GCN1: variants seen among roughly 807,000 people sequenced by gnomAD.
GCN1 encodes the protein GCN1 activator of EIF2AK4.
Under a neutral mutation model 288.4 loss-of-function variants are expected in GCN1, and 90 were observed. The ratio of observed to expected loss-of-function variants is 0.31; its 90% CI spans 0.26 to 0.37. The LOEUF (loss-of-function observed/expected upper bound fraction) is 0.37. GCN1 is among the 10% of genes least tolerant of loss of function. The probability of loss-of-function intolerance (pLI) is 1.00; values close to 1 mark genes in which losing one functional copy is unlikely to be tolerated. For synonymous variants in GCN1, 1,386 were observed against 1,420.2 expected (o/e 0.98, Z 0.54); for missense variants, 2,586 against 3,419.9 (o/e 0.76, Z 6.08).
Position 120,147,152 on chromosome 12 carries a change from A to G in GCN1, c.4847T>C (p.Ile1616Thr). ...HFIDAPSLALIMPIVQRAFQD... is the reference protein window; with the variant it reads ...HFIDAPSLALTMPIVQRAFQD... ...GAAGGCTCTCTGGACAATGGGCATG[A>G]TGAGGGCCAGGGATGGGGCATCAAT... Residue 1616 changes from isoleucine (I) to threonine (T), a missense_variant, in exon 38 of 58, where the codon ATC becomes ACC. By Grantham distance (89) the Ile-to-Thr change is moderately conservative (BLOSUM62 -1). Coordinates refer to ENST00000300648, the MANE Select transcript of GCN1 (RefSeq NM_006836.2). The G allele has an allele frequency of 6.2e-7, 1 of 1,613,238 alleles. No homozygotes were observed. The highest frequency in any genetic ancestry group is 8.5e-7 in the Non-Finnish European group (1 of 1,179,400).
chr12:120,161,748 C>T, intron 21 of GCN1, 132 bp downstream of exon 21: 1 of 996,382 alleles, frequency 1.0e-6, no homozygotes, highest in Non-Finnish European at 1.5e-6. Flanking sequence ...GTGCCGGGGA[C>T]ACAACAGGCG....
chr12:120,137,249 T>C lies in GCN1; in HGVS notation c.6734A>G (p.Glu2245Gly). 6.2e-7 allele frequency: 1 copy of C among 1,614,208 alleles called. No individual in the cohort carries two copies. Among genetic ancestry groups the C allele is most frequent in the Non-Finnish European group, 8.5e-7 (1 of 1,180,038 alleles). ...TCCTGGCACATGCTCGCCTTTGCTCTCGTTCCCTATGAGCCGGATTTCCTT... is the reference window on the plus strand; with the variant it reads ...TCCTGGCACATGCTCGCCTTTGCTCCCGTTCCCTATGAGCCGGATTTCCTT... ...LHKEIRLIGNESKGEHVPGFC... is the reference protein window; with the variant it reads ...LHKEIRLIGNGSKGEHVPGFC... The change falls in exon 50 of 58, where the codon GAG (glutamate) becomes GGG (glycine). Residue 2245 changes from glutamate to glycine, a missense_variant. Glu to Gly is a moderately conservative substitution (Grantham distance 98). Around this residue, in one of 8 missense-constraint regions of GCN1, gnomAD observed 437 missense variants for 570.5 expected, o/e 0.77. Coordinates refer to ENST00000300648, the MANE Select transcript of GCN1 (RefSeq NM_006836.2). The surrounding 1 kb of genome is among the most constrained non-coding windows in gnomAD (Gnocchi z 5.2).
chr12:120,165,051 ATT>A (rs60284535), intron 16 of GCN1, among the ~76,000 whole-genome samples: 219 of 142,146 alleles, frequency 1.5e-3, no homozygotes, highest in Middle Eastern at 7.4e-3. Context: ...ATATATATAT[ATT>A]TTTTTTTTTG....
At position 120,162,188 on chromosome 12, in the gene GCN1, C is replaced by T. The variant is rs1877953700; in HGVS notation, c.2164-130G>A. 4.0e-5 allele frequency: 29 copies of T among 732,928 alleles called. No individual in the cohort carries two copies. The South Asian group carries it at 5.3e-4, about 13-fold the overall frequency. The allele number at this position is 732,928 out of a possible 1,614,324, so 45.4% of individuals were successfully genotyped here. A position where few individuals can be genotyped will look rare whatever the true frequency, so the allele number is the denominator to read the frequency against. ...CTGCCTTGTTACTCCTGGGCAATGCCCATCACAGTGGCCGGCTGGAGTCTG... is the reference window on the plus strand; with the variant it reads ...CTGCCTTGTTACTCCTGGGCAATGCTCATCACAGTGGCCGGCTGGAGTCTG... On this transcript the variant is annotated intron_variant, in intron 20 of 57. Coordinates refer to ENST00000300648, the MANE Select transcript of GCN1 (RefSeq NM_006836.2).
chr12:120,136,851 T>C, intron 50 of GCN1, 119 bp from the exon 51 acceptor site: 1 of 715,204 alleles, frequency 1.4e-6, no homozygotes, highest in Non-Finnish European at 2.4e-6. Flanking sequence ...AGATATTGAT[T>C]TGGGCTGAAT....
chr12:120,167,326 T>C (rs993022881), intron 16 of GCN1, among the ~76,000 whole-genome samples: 1 of 133,814 alleles, frequency 7.5e-6, no homozygotes, highest in Non-Finnish European at 1.5e-5. Context: ...CACTCCAGCC[T>C]GAGCAATAAG....
At chr12:120,141,166 A>G in intron 44 of GCN1, 143 bp from the exon 45 acceptor site, 2 of 692,890 alleles carry the variant, frequency 2.9e-6, no homozygotes, top group Admixed American at 5.4e-5. Context: ...TTACCCCTAA[A>G]GAGCCCCCAA....
At position 120,148,324 on chromosome 12, in the gene GCN1, T is replaced by A; in HGVS notation, c.4569A>T (p.Ala1523=). Residue 1523 remains alanine (A), a synonymous_variant, in exon 37 of 58, where the codon GCA becomes GCT. Transcript: ENST00000300648. ...TKAGSVELLG[A]MAYCAPKQLS... is the part of the protein sequence containing the mutation. ...GCTGCTTAGGAGCACAGTACGCCATTGCCCCAAGAAGCTCCACTGACCCTG... is the reference window on the plus strand; with the variant it reads ...GCTGCTTAGGAGCACAGTACGCCATAGCCCCAAGAAGCTCCACTGACCCTG... The A allele has an allele frequency of 6.2e-7, 1 of 1,613,720 alleles. No individual in the cohort carries two copies. The highest frequency in any genetic ancestry group is 2.2e-5 in the East Asian group (1 of 44,874).
At chr12:120,186,165 C>T (rs1878814394) in intron 2 of GCN1, among the ~76,000 whole-genome samples, 4 of 152,056 alleles carry the variant, frequency 2.6e-5, no homozygotes, top group Middle Eastern at 3.4e-3. Context: ...ACGGTGAAAC[C>T]CCGTCTCTCC....
rs1877317685 is a variant in GCN1, at chr12:120,144,969, T to C, written c.5109A>G (p.Thr1703=). 20 of 1,613,980 alleles carry C rather than the reference T, an allele frequency of 1.2e-5. No homozygotes were observed. The highest frequency in any genetic ancestry group is 2.2e-5 in the South Asian group (2 of 91,080). ...FEDLLPWLME[T]LTYEQSSVDR... is the part of the protein sequence containing the mutation. ...CCACAGAGCTCTGCTCATAGGTCAG[T>C]GTCTCCATCAGCCACGGCAGCAAGT... is the stretch of plus-strand genomic sequence containing the variant. Residue 1703 remains threonine, a synonymous_variant, in exon 40 of 58, where the codon ACA becomes ACG. Coordinates refer to ENST00000300648, the MANE Select transcript of GCN1 (RefSeq NM_006836.2). The surrounding 1 kb of genome is among the most constrained non-coding windows in gnomAD (Gnocchi z 4.7).
chr12:120,174,168 C>T lies in GCN1; in HGVS notation c.1095G>A (p.Gly365=), dbSNP rs1878398739. ...VVAQKMSVLS[G]IGSVSHHVVS... ...CCACGTGATGACTGACGCTCCCAATCCCTAAAAGGCAGATTCCCTGTTCAG... is the reference window on the plus strand; with the variant it reads ...CCACGTGATGACTGACGCTCCCAATTCCTAAAAGGCAGATTCCCTGTTCAG... The change falls in exon 13 of 58, where the codon GGG becomes GGA. Residue 365 remains glycine (G), a splice_region_variant and synonymous_variant. Coordinates refer to ENST00000300648, the MANE Select transcript of GCN1 (RefSeq NM_006836.2). The T allele has an allele frequency of 5.1e-6, 8 of 1,559,240 alleles. No individual in the cohort carries two copies. Among genetic ancestry groups the T allele is most frequent in the Non-Finnish European group, 6.2e-6 (7 of 1,129,832 alleles).
chr12:120,146,069 C>T (rs533533980), intron 38 of GCN1, among the ~76,000 whole-genome samples: 26 of 152,100 alleles, frequency 1.7e-4, no homozygotes, highest in Admixed American at 7.9e-4. Flanking sequence ...GAGTTCGAGA[C>T]CAGCCTGGCC....
At chr12:120,182,070 G>A (rs1461376289) in intron 5 of GCN1, among the ~76,000 whole-genome samples, 2 of 148,174 alleles carry the variant, frequency 1.3e-5, no homozygotes, top group African/African-American at 5.0e-5. Flanking sequence ...AATTGCTTGA[G>A]CCTGGGAGGC....
At chr12:120,172,865 G>A (rs759746284) in intron 14 of GCN1, among the ~76,000 whole-genome samples, 1 of 152,042 alleles carries the variant, frequency 6.6e-6, no homozygotes, top group Non-Finnish European at 1.5e-5. Context: ...AGAAATACAA[G>A]CATATCTCTG....
chr12:120,186,795 G>A, intron 2 of GCN1, among the ~76,000 whole-genome samples: 1 of 152,202 alleles, frequency 6.6e-6, no homozygotes, highest in East Asian at 1.9e-4. Flanking sequence ...ACCTATCAGG[G>A]AAGTACTACT....
In GCN1 at chr12:120,194,649, G is replaced by T. The variant is rs536538657; in HGVS notation, c.18+31C>A. On this transcript the variant is annotated intron_variant, in intron 1 of 57. Transcript: ENST00000300648. Reference sequence around the variant, plus strand: ...GGCCACCGTCCGCACCCAGTCCCTGGCCGCGTTGGCCCCGCAGCCGCCCGC... The same window carrying T: ...GGCCACCGTCCGCACCCAGTCCCTGTCCGCGTTGGCCCCGCAGCCGCCCGC... 3.3e-6 allele frequency: 5 copies of T among 1,512,854 alleles called. No homozygotes were observed. In the South Asian group the frequency reaches 4.9e-5, roughly 15 times the overall value. The allele number at this position is 1,512,854 out of a possible 1,614,324, so 93.7% of individuals were successfully genotyped here.
intron 12 of GCN1, 86 bp downstream of exon 12, chr12:120,175,076 G>A: frequency 8.5e-7 from 1 of 1,174,426 alleles, no homozygotes; most frequent in Non-Finnish European, 1.2e-6. Flanking sequence ...GCAGTGAGCT[G>A]AGATGGCACC....
chr12:120,147,589 G>C (rs961844497), intron 37 of GCN1, among the ~76,000 whole-genome samples: 1 of 152,224 alleles, frequency 6.6e-6, no homozygotes, highest in Non-Finnish European at 1.5e-5. Flanking sequence ...TAATGGAGAA[G>C]TGTGTTGAAA....
Position 120,142,594 on chromosome 12 carries a change from A to G in GCN1, c.5742T>C (p.Asn1914=). 6.2e-7 allele frequency: 1 copy of G among 1,614,004 alleles called. No homozygotes were observed. The highest frequency in any genetic ancestry group is 8.5e-7 in the Non-Finnish European group (1 of 1,179,998). ...GGATCTCACGCAAGGTGCGGGGGGT[A>G]TTGGAGACAACAATCTTCCAGACAT... ...SLHVWKIVVS[N]TPRTLREILP... Residue 1914 remains asparagine (N), a synonymous_variant, in exon 44 of 58, where the codon AAT becomes AAC. Coordinates refer to ENST00000300648, the MANE Select transcript of GCN1 (RefSeq NM_006836.2). The surrounding 1 kb of genome is among the most constrained non-coding windows in gnomAD (Gnocchi z 4.9).
Sources: allele counts gnomAD v4.1 joint callset (sites outside exome capture counted in the v4.1 genomes callset), GRCh38; gene constraint gnomAD v4.1.1; regional missense constraint gnomAD v4.1.1; non-coding constraint Gnocchi (gnomAD v3.1); transcripts MANE v1.5; gene names NCBI Gene and HGNC (gene_info 2026-07-23, HGNC 2026-07-21).